The following ATP2B4 variants were observed in gnomAD, a reference collection of about 807,000 sequenced individuals.
The protein encoded by ATP2B4 is ATPase plasma membrane Ca2+ transporting 4, also known as plasma membrane calcium-transporting ATPase 4.
ATP2B4 carries 39 observed loss-of-function variants against 110.3 expected under a neutral mutation model. That is an observed-to-expected ratio of 0.35 (90% CI 0.27 to 0.46). The LOEUF (loss-of-function observed/expected upper bound fraction) is 0.46. Ranked by LOEUF, ATP2B4 falls within the 20% of genes least tolerant of loss-of-function variation. ATP2B4 has a pLI of 1.00. For missense variants in ATP2B4, 1,135 were observed against 1,530.9 expected, an observed-to-expected ratio of 0.74 and a Z score of 4.32; for synonymous variants, 538 against 571.7, an observed-to-expected ratio of 0.94 and a Z score of 0.84.
intron 1 of ATP2B4, among the ~76,000 whole-genome samples, chr1:203,643,260 C>T (rs867987726): frequency 2.0e-5 from 3 of 152,186 alleles, no homozygotes; most frequent in South Asian, 2.1e-4. Flanking sequence ...CTTGTTTACT[C>T]GTGCCCTGCA....
chr1:203,740,339 A>T lies in ATP2B4; in HGVS notation c.*485A>T. Reference sequence around the variant, plus strand: ...GTGTGATTGTTTTTCAATTTTTCCCACTTTGAAAACTTACACCTAAAGGCC... The same window carrying T: ...GTGTGATTGTTTTTCAATTTTTCCCTCTTTGAAAACTTACACCTAAAGGCC... On this transcript the variant is annotated 3_prime_UTR_variant, in exon 21 of 21. Transcript: ENST00000357681. 1 of 156,546 alleles carries T rather than the reference A, an allele frequency of 6.4e-6. No individual in the cohort carries two copies. Among genetic ancestry groups the T allele is most frequent in the Admixed American group, 6.0e-5 (1 of 16,596 alleles). 9.7% of individuals were successfully genotyped at this position (156,546 alleles called of 1,614,324 possible). A position where few individuals can be genotyped will look rare whatever the true frequency, so the allele number is the denominator to read the frequency against.
chr1:203,742,331 T>G lies in ATP2B4; in HGVS notation c.*2477T>G, dbSNP rs981959210. 6.6e-6 allele frequency: 1 copy of G among 152,662 alleles called. No homozygotes were observed. The highest frequency in any genetic ancestry group is 1.5e-5 in the Non-Finnish European group (1 of 68,052). 9.5% of individuals were successfully genotyped at this position (152,662 alleles called of 1,614,324 possible). On this transcript the variant is annotated 3_prime_UTR_variant, in exon 21 of 21. Coordinates refer to ENST00000357681, the MANE Select transcript of ATP2B4 (RefSeq NM_001684.5). Reference sequence around the variant, plus strand: ...ACTTAGGGAAGAAAAATTGTTGGGTTCTAGACTTTTTTAATATAAATTTTG... The same window carrying G: ...ACTTAGGGAAGAAAAATTGTTGGGTGCTAGACTTTTTTAATATAAATTTTG...
At chr1:203,659,943 G>C (rs774930240) in intron 1 of ATP2B4, among the ~76,000 whole-genome samples, 1 of 152,028 alleles carries the variant, frequency 6.6e-6, no homozygotes, top group African/African-American at 2.4e-5. Context: ...TTAGCCGGGC[G>C]TGGTGGCAGG....
intron 9 of ATP2B4, 105 bp from the exon 10 acceptor site, chr1:203,707,757 G>T: frequency 6.8e-7 from 1 of 1,475,022 alleles, no homozygotes; most frequent in Non-Finnish European, 9.3e-7. Flanking sequence ...GTGTGGGACT[G>T]GAAGATGAAA....
chr1:203,638,621 G>T lies in ATP2B4; in HGVS notation c.-465+11402G>T, dbSNP rs545627501. Among the ~76,000 whole-genome samples, 26 of 152,214 alleles carry T rather than the reference G, an allele frequency of 1.7e-4. 1 individual carries two copies. Among genetic ancestry groups the T allele is most frequent in the Admixed American group, 5.2e-4 (8 of 15,298 alleles). ...CACTGGGTTAGTTTGAGGCAGAGGT[G>T]GGGGTACAGCCTAGTTCTCCCCACT... On this transcript the variant is annotated intron_variant, in intron 1 of 20. Transcript: ENST00000357681.
At chr1:203,678,378 C>G (rs936029703) in intron 1 of ATP2B4, among the ~76,000 whole-genome samples, 3 of 145,288 alleles carry the variant, frequency 2.1e-5, no homozygotes, top group Non-Finnish European at 3.0e-5. Context: ...CTGGCAGCTC[C>G]TCATTTCTAG....
intron 1 of ATP2B4, among the ~76,000 whole-genome samples, chr1:203,650,344 CG>C (rs1043729959): frequency 7.2e-5 from 11 of 152,004 alleles, no homozygotes; most frequent in Non-Finnish European, 1.6e-4. Context: ...GTGTGTTCCC[CG>C]GGTTGTGGTG....
chr1:203,637,847 G>A (rs2102301103), intron 1 of ATP2B4, among the ~76,000 whole-genome samples: 1 of 152,316 alleles, frequency 6.6e-6, no homozygotes, highest in South Asian at 2.1e-4. Flanking sequence ...GCTGAAGACG[G>A]AGGAAAATTT....
intron 1 of ATP2B4, chr1:203,657,412 C>CT (rs1664194989): frequency 1.3e-6 from 1 of 761,598 alleles, no homozygotes; most frequent in Non-Finnish European, 2.4e-6. Flanking sequence ...CCCACCTTCT[C>CT]TTTTCATTTC....
At chr1:203,696,609 A>G (rs1665540081) in intron 2 of ATP2B4, among the ~76,000 whole-genome samples, 1 of 152,220 alleles carries the variant, frequency 6.6e-6, no homozygotes, top group African/African-American at 2.4e-5. Context: ...GGCATTAATC[A>G]CCATGGTAGG....
chr1:203,688,018 T>G (rs1665253066), intron 2 of ATP2B4, among the ~76,000 whole-genome samples: 1 of 147,528 alleles, frequency 6.8e-6, no homozygotes, highest in Non-Finnish European at 1.5e-5. Flanking sequence ...TTATTATTAT[T>G]ATTATTATTA....
In ATP2B4 at chr1:203,661,791, G is replaced by A. The variant is rs535413044; in HGVS notation, c.-464-20951G>A. Among the ~76,000 whole-genome samples, 11 of 151,998 alleles carry A rather than the reference G, an allele frequency of 7.2e-5. No homozygotes were observed. In the East Asian group the frequency reaches 7.8e-4, roughly 11 times the overall value. ...TCTGTGTGGGCTCCCAGCCCTGGGC[G>A]TGTCTGTGGTGACTGACCTGTGCCC... On this transcript the variant is annotated intron_variant, in intron 1 of 20. Transcript: ENST00000357681.
At chr1:203,628,293 TC>T (rs1422767701) in intron 1 of ATP2B4, among the ~76,000 whole-genome samples, 1 of 151,194 alleles carries the variant, frequency 6.6e-6, no homozygotes, top group Non-Finnish European at 1.5e-5. Flanking sequence ...CCTCTTACAC[TC>T]CTCCACCTCC....
intron 20 of ATP2B4, chr1:203,733,285 C>T (rs764827813): frequency 1.9e-6 from 3 of 1,614,102 alleles, no homozygotes; most frequent in South Asian, 1.1e-5. Context: ...GGCGACAGAA[C>T]ATGGGTCAAC....
At chr1:203,668,058 CT>C (rs1664559604) in intron 1 of ATP2B4, among the ~76,000 whole-genome samples, 1 of 152,180 alleles carries the variant, frequency 6.6e-6, no homozygotes, top group Non-Finnish European at 1.5e-5. Flanking sequence ...GCTACTCCTC[CT>C]CTGCGAATCC....
intron 2 of ATP2B4, among the ~76,000 whole-genome samples, chr1:203,695,312 C>T (rs1665501315): frequency 6.6e-6 from 1 of 152,230 alleles, no homozygotes; most frequent in Non-Finnish European, 1.5e-5. Flanking sequence ...CCAGCAAGGC[C>T]CTGCCCCTTT....
At chr1:203,729,840 C>G (rs1276026491) in intron 20 of ATP2B4, 1 of 1,243,640 alleles carries the variant, frequency 8.0e-7, no homozygotes, top group East Asian at 5.5e-5. Context: ...TCTCAGAGGG[C>G]TTGGTCCCCT....
In ATP2B4 at chr1:203,640,801, G is replaced by A. The variant is rs557783428; in HGVS notation, c.-465+13582G>A. 2.0e-5 allele frequency among the ~76,000 whole-genome samples: 3 copies of A among 152,268 alleles called. No individual in the cohort carries two copies. The East Asian group carries it at 5.8e-4, about 29-fold the overall frequency. Reference sequence around the variant, plus strand: ...TGATAAAGATGTTCATAAACCATAAGGCTAAGATGCACCCTTAGTTTAGCC... The same window carrying A: ...TGATAAAGATGTTCATAAACCATAAAGCTAAGATGCACCCTTAGTTTAGCC... On this transcript the variant is annotated intron_variant, in intron 1 of 20. Transcript: ENST00000357681.
chr1:203,736,568 A>G (rs1394112236), intron 20 of ATP2B4, among the ~76,000 whole-genome samples: 1 of 151,908 alleles, frequency 6.6e-6, no homozygotes, highest in Non-Finnish European at 1.5e-5. Context: ...ACTCATACCC[A>G]GTCTCCTGAG....
Sources: gnomAD v4.1 joint callset for allele counts (sites outside exome capture counted in the v4.1 genomes callset) on GRCh38, gnomAD v4.1.1 for gene constraint, MANE v1.5 for transcripts, NCBI Gene and HGNC (gene_info 2026-07-23, HGNC 2026-07-21) for gene names.